The following ELP1 variants were observed in gnomAD, a reference collection of about 807,000 sequenced individuals.
ELP1 encodes the protein elongator complex protein 1.
A neutral mutation model predicts 183.2 loss-of-function variants in ELP1; 131 were observed. That is an observed-to-expected ratio of 0.72 (90% CI 0.62 to 0.83). The LOEUF (loss-of-function observed/expected upper bound fraction) is 0.83, where lower values mean the gene tolerates loss of function less well. ELP1 is among the 40% of genes least tolerant of loss of function. The pLI, the probability that ELP1 is intolerant of heterozygous loss-of-function variation, is 0.00. For synonymous variants in ELP1, 555 were observed against 569.0 expected (o/e 0.98, Z 0.35); for missense variants, 1,550 against 1,594.9 (o/e 0.97, Z 0.48).
intron 18 of ELP1, among the ~76,000 whole-genome samples, chr9:108,900,790 CCACA>C (rs1269168415): frequency 6.8e-6 from 1 of 146,154 alleles, no homozygotes; most frequent in African/African-American, 2.5e-5. Context: ...CACATACACG[CCACA>C]CACACATACA....
Position 108,932,203 on chromosome 9 carries a change from TATATA to T in ELP1, c.-55-1007_-55-1003del, listed in dbSNP as rs540196571. Among the ~76,000 whole-genome samples, 367 of 152,078 alleles carry T rather than the reference TATATA, an allele frequency of 2.4e-3. 1 individual carries two copies. The highest frequency in any genetic ancestry group is 0.01 in the Middle Eastern group (3 of 294). The stretch of plus-strand genomic sequence containing the variant: ...AGATAATGTCAAGTGTCATAGGAAT[TATATA>T]ATATATAATGTGGGATAAGAGAAAG... On this transcript the variant is annotated intron_variant, in intron 1 of 36. Coordinates refer to ENST00000374647, the MANE Select transcript of ELP1 (RefSeq NM_003640.5).
chr9:108,868,887 T>C lies in ELP1; in HGVS notation c.*228A>G, dbSNP rs1827331002. 3.3e-6 allele frequency: 2 copies of C among 607,724 alleles called. No individual in the cohort carries two copies. The highest frequency in any genetic ancestry group is 4.0e-5 in the South Asian group (2 of 50,482). 37.6% of individuals were successfully genotyped at this position (607,724 alleles called of 1,614,324 possible). Reference sequence around the variant, plus strand: ...AAGAACAATCATTCTCACAAAATGGTGCCATAATGGTTAAAGCTTAATGTC... The same window carrying C: ...AAGAACAATCATTCTCACAAAATGGCGCCATAATGGTTAAAGCTTAATGTC... On this transcript the variant is annotated 3_prime_UTR_variant, in exon 37 of 37. Coordinates refer to ENST00000374647, the MANE Select transcript of ELP1 (RefSeq NM_003640.5).
chr9:108,897,450 T>C (rs1345179535), intron 22 of ELP1, among the ~76,000 whole-genome samples, 165 bp from the exon 23 acceptor site: 2 of 152,234 alleles, frequency 1.3e-5, no homozygotes, highest in African/African-American at 4.8e-5. Flanking sequence ...AAAAGACTTA[T>C]ACAAATGTTT....
At position 108,897,028 on chromosome 9, in the gene ELP1, A is replaced by T; in HGVS notation, c.2512T>A (p.Ser838Thr). 6.2e-7 allele frequency: 1 copy of T among 1,613,962 alleles called. No homozygotes were observed. Among genetic ancestry groups the T allele is most frequent in the Non-Finnish European group, 8.5e-7 (1 of 1,179,874 alleles). ...ESINPHKYCL[S>T]ILTSHVKKTT... is the part of the protein sequence containing the mutation. Reference sequence around the variant, plus strand: ...TTCTTTACATGAGATGTAAGTATGGATAGGCAGTATCTGAGGTAATAAGTG... The same window carrying T: ...TTCTTTACATGAGATGTAAGTATGGTTAGGCAGTATCTGAGGTAATAAGTG... The change falls in exon 24 of 37, where the codon TCC becomes ACC. Residue 838 changes from serine to threonine, a missense_variant. Ser to Thr is a moderately conservative substitution (Grantham distance 58). Transcript: ENST00000374647.
Position 108,901,528 on chromosome 9 carries a change from A to G in ELP1, c.1911T>C (p.Val637=), listed in dbSNP as rs369645371. ...RCRFFINDIE[V]ASNITSFAVY... ...CTGCAAATGACGTGATATTTGACGCAACCTGCAAGAGAAGGCCAGAGAGGC... is the reference window on the plus strand; with the variant it reads ...CTGCAAATGACGTGATATTTGACGCGACCTGCAAGAGAAGGCCAGAGAGGC... The change falls in exon 18 of 37, where the codon GTT becomes GTC. Residue 637 remains valine (V), a splice_region_variant and synonymous_variant. Transcript: ENST00000374647. 2.8e-4 allele frequency: 447 copies of G among 1,613,678 alleles called. 1 individual carries two copies. Among genetic ancestry groups the G allele is most frequent in the Non-Finnish European group, 2.6e-4 (306 of 1,179,652 alleles).
At chr9:108,872,080 C>T (rs993554270) in intron 36 of ELP1, among the ~76,000 whole-genome samples, 6 of 152,092 alleles carry the variant, frequency 3.9e-5, no homozygotes, top group African/African-American at 7.2e-5. Context: ...GTGGTACTTC[C>T]TATAGGTCTC....
chr9:108,889,530 A>C, intron 28 of ELP1, 137 bp from the exon 29 acceptor site: 2 of 781,812 alleles, frequency 2.6e-6, no homozygotes, highest in Non-Finnish European at 4.4e-6. Flanking sequence ...TATACACCAC[A>C]GAGTCCTATC....
At chr9:108,873,254 A>G (rs1055326333) in intron 36 of ELP1, among the ~76,000 whole-genome samples, 8 of 152,334 alleles carry the variant, frequency 5.3e-5, no homozygotes, top group Non-Finnish European at 1.2e-4. Context: ...ATGATATTGT[A>G]TTGCATCAAA....
At chr9:108,912,521 G>A (rs757183961) in intron 10 of ELP1, 27 bp from the exon 11 acceptor site, 54 of 1,545,198 alleles carry the variant, frequency 3.5e-5, no homozygotes, top group Non-Finnish European at 4.4e-5. Flanking sequence ...AAAGAAGGCC[G>A]TTAGAGGCTG....
intron 10 of ELP1, among the ~76,000 whole-genome samples, chr9:108,913,205 T>C (rs1021826808): frequency 6.6e-6 from 1 of 152,192 alleles, no homozygotes; most frequent in Non-Finnish European, 1.5e-5. Flanking sequence ...AAACACTTAA[T>C]CCAAGATCTA....
chr9:108,923,450 T>C (rs922060301), intron 5 of ELP1, among the ~76,000 whole-genome samples: 5 of 152,196 alleles, frequency 3.3e-5, no homozygotes, highest in African/African-American at 1.2e-4. Context: ...CTTCCTTATT[T>C]TGGAAAGCAT....
rs771123534 is a variant in ELP1 at position 108,912,279 on chromosome 9, C to A, written c.1174G>T (p.Ala392Ser). Reference sequence around the variant, plus strand: ...AGGAGCTTACTTCCATCAATGACAGCCACATTGGACAAGTCACTTGAATTA... The same window carrying A: ...AGGAGCTTACTTCCATCAATGACAGACACATTGGACAAGTCACTTGAATTA... ...GDNSSDLSNV[A>S]VIDGNRVLVT... Residue 392 changes from alanine to serine, a missense_variant, in exon 11 of 37, where the codon GCT (alanine) becomes TCT (serine). Physicochemically the swap from Ala to Ser is moderately conservative, Grantham distance 99. Coordinates refer to ENST00000374647, the MANE Select transcript of ELP1 (RefSeq NM_003640.5). 4 of 1,613,956 alleles carry A rather than the reference C, an allele frequency of 2.5e-6. No individual in the cohort carries two copies. The highest frequency in any genetic ancestry group is 2.2e-5 in the East Asian group (1 of 44,886).
chr9:108,905,844 A>T (rs1346386271), intron 14 of ELP1, among the ~76,000 whole-genome samples: 1 of 147,126 alleles, frequency 6.8e-6, no homozygotes, highest in East Asian at 2.0e-4. Context: ...GTATTTGTGT[A>T]TCTAAACATA....
At chr9:108,889,250 T>C in intron 29 of ELP1, 82 bp downstream of exon 29, 1 of 1,270,350 alleles carries the variant, frequency 7.9e-7, no homozygotes, top group Non-Finnish European at 1.2e-6. Flanking sequence ...CACAGTTCCT[T>C]TAACTTTCAT....
intron 29 of ELP1, among the ~76,000 whole-genome samples, chr9:108,884,887 C>T (rs184452910): frequency 1.4e-4 from 22 of 152,028 alleles, no homozygotes; most frequent in Admixed American, 2.0e-4. Flanking sequence ...TTCAGACCAG[C>T]GTGGGCAACT....
At chr9:108,895,047 G>A (rs576540394) in intron 25 of ELP1, among the ~76,000 whole-genome samples, 5 of 152,214 alleles carry the variant, frequency 3.3e-5, no homozygotes, top group African/African-American at 1.2e-4. Context: ...ACAAGTTTGA[G>A]ACCAGCCTGG....
rs139054753 is a variant in ELP1, at chr9:108,879,976, A to G, written c.3460+76T>C. ...GTAATCAGATTGCAGGCGGATCACC[A>G]AGCAATCTAGACAATGTGTGGCGTT... is the stretch of plus-strand genomic sequence containing the variant. On this transcript the variant is annotated intron_variant, in intron 32 of 36. Coordinates refer to ENST00000374647, the MANE Select transcript of ELP1 (RefSeq NM_003640.5). 5.2e-6 allele frequency: 5 copies of G among 955,592 alleles called. No individual in the cohort carries two copies. In the African/African-American group the frequency reaches 8.0e-5, roughly 15 times the overall value. The allele number at this position is 955,592 out of a possible 1,614,324, so 59.2% of individuals were successfully genotyped here. A position where few individuals can be genotyped will look rare whatever the true frequency, so the allele number is the denominator to read the frequency against.
At chr9:108,924,918 A>G (rs2132040754) in intron 5 of ELP1, among the ~76,000 whole-genome samples, 1 of 152,312 alleles carries the variant, frequency 6.6e-6, no homozygotes, top group East Asian at 1.9e-4. Flanking sequence ...AAGCCTATTT[A>G]TTTCACTTTC....
chr9:108,898,549 T>C lies in ELP1; in HGVS notation c.2316A>G (p.Lys772=). The C allele has an allele frequency of 3.1e-6, 5 of 1,602,804 alleles. No individual in the cohort carries two copies. Among genetic ancestry groups the C allele is most frequent in the Non-Finnish European group, 2.6e-6 (3 of 1,171,024 alleles). ...VFLGNVETFI[K]QIDSVNHINL... is the part of the protein sequence containing the mutation. ...TAATATGATTCACAGAATCTATCTG[T>C]TTAATGAAGGTTTCCACATTTCCAA... Residue 772 remains lysine (K), a synonymous_variant, in exon 22 of 37, where the codon AAA becomes AAG. Transcript: ENST00000374647.
Sources: gnomAD v4.1 joint callset for allele counts (sites outside exome capture counted in the v4.1 genomes callset) on GRCh38, gnomAD v4.1.1 for gene constraint, MANE v1.5 for transcripts, NCBI Gene and HGNC (gene_info 2026-07-23, HGNC 2026-07-21) for gene names.